Variants in ANKFN1 observed in about 807,000 individuals in gnomAD.
ANKFN1 encodes ankyrin repeat and fibronectin type III domain containing 1.
ANKFN1 carries 74 observed loss-of-function variants against 108.7 expected under a neutral mutation model. The observed-to-expected ratio is 0.68, with a 90% confidence interval of 0.56 to 0.83. ANKFN1 has a LOEUF of 0.83. ANKFN1 is among the 40% of genes least tolerant of loss of function. ANKFN1 has a pLI of 0.00. For synonymous variants in ANKFN1, 547 were observed against 516.2 expected, an observed-to-expected ratio of 1.06 and a Z score of -0.81; for missense variants, 1,505 against 1,382.3, an observed-to-expected ratio of 1.09 and a Z score of -1.41.
At position 56,516,258 on chromosome 17, in the gene ANKFN1, G is replaced by T. The variant is rs1348099743; in HGVS notation, c.*4989G>T. 1.2e-5 allele frequency among the ~76,000 whole-genome samples: 1 copy of T among 84,678 alleles called. No individual in the cohort carries two copies. Among genetic ancestry groups the T allele is most frequent in the East Asian group, 3.1e-4 (1 of 3,204 alleles). 55.6% of individuals were successfully genotyped at this position (84,678 alleles called of 152,430 possible). On this transcript the variant is annotated 3_prime_UTR_variant, in exon 21 of 21. Coordinates refer to ENST00000682825, the MANE Select transcript of ANKFN1 (RefSeq NM_001370326.1). ...TTTGATGTTTGTGATTTTTAAAAAA[G>T]TGTGTGTGTGTGTGTGTGTGTGTGC...
intron 4 of ANKFN1, among the ~76,000 whole-genome samples, chr17:56,101,900 T>C (rs1905654957): frequency 6.6e-6 from 1 of 152,198 alleles, no homozygotes. Flanking sequence ...GGCTATAAGA[T>C]CTGTGTTTCA....
At chr17:56,492,703 A>G (rs2051079932) in intron 19 of ANKFN1, among the ~76,000 whole-genome samples, 1 of 152,186 alleles carries the variant, frequency 6.6e-6, no homozygotes, top group South Asian at 2.1e-4. Context: ...GAAAAATTGT[A>G]TTAATTAATT....
intron 4 of ANKFN1, among the ~76,000 whole-genome samples, chr17:56,088,630 CCTCTGGGGCATGACT>C (rs1362695567): frequency 1.3e-5 from 2 of 151,088 alleles, no homozygotes; most frequent in Non-Finnish European, 3.0e-5. Flanking sequence ...TCCCCAGCTA[CCTCTGGGGCATGACT>C]CCCTCCACCT....
rs190655472 is a variant in ANKFN1, at chr17:56,077,996, G to C, written c.288+31671G>C. ...TAGATTGTATTCTAGTCATTGTGTT[G>C]GTATGCCGTGGAGATTCTAGATTCT... On this transcript the variant is annotated intron_variant, in intron 4 of 12. Transcript: ENST00000635860. 1.6e-4 allele frequency among the ~76,000 whole-genome samples: 25 copies of C among 152,110 alleles called. 1 individual carries two copies. The highest frequency in any genetic ancestry group is 1.2e-3 in the Admixed American group (19 of 15,286).
intron 1 of ANKFN1, among the ~76,000 whole-genome samples, chr17:56,162,235 CATA>C (rs1166062963): frequency 6.6e-6 from 1 of 152,164 alleles, no homozygotes; most frequent in East Asian, 1.9e-4. Flanking sequence ...AATATCTATA[CATA>C]ATAAGTATGC....
At chr17:56,425,280 T>C (rs2048526869) in intron 8 of ANKFN1, among the ~76,000 whole-genome samples, 3 of 152,166 alleles carry the variant, frequency 2.0e-5, no homozygotes, top group Admixed American at 1.3e-4. Flanking sequence ...TAACAGGAAG[T>C]CAGGAAATTT....
chr17:56,326,188 A>G lies in ANKFN1; in HGVS notation c.54-33A>G, dbSNP rs1025527727. 6 of 1,594,982 alleles carry G rather than the reference A, an allele frequency of 3.8e-6. No individual in the cohort carries two copies. In the African/African-American group the frequency reaches 5.4e-5, roughly 14 times the overall value. ...ATCATGGACTTCGGCTCTTGCCTGTAGTGATCCTGTTCGCATTTTATTCTT... is the reference window on the plus strand; with the variant it reads ...ATCATGGACTTCGGCTCTTGCCTGTGGTGATCCTGTTCGCATTTTATTCTT... On this transcript the variant is annotated intron_variant, in intron 3 of 20. Transcript: ENST00000682825.
chr17:56,077,008 A>G (rs947718699), intron 4 of ANKFN1, among the ~76,000 whole-genome samples: 1 of 152,140 alleles, frequency 6.6e-6, no homozygotes, highest in Non-Finnish European at 1.5e-5. Context: ...TATGGTATCT[A>G]TTTTTCAATA....
At chr17:56,298,679 TTA>T (rs761409160) in intron 3 of ANKFN1, among the ~76,000 whole-genome samples, 28 of 148,728 alleles carry the variant, frequency 1.9e-4, no homozygotes, top group East Asian at 8.0e-4. Context: ...CAATATTTCT[TTA>T]TATATATAGA....
At chr17:56,149,291 A>G (rs2143431015), upstream of ANKFN1, among the ~76,000 whole-genome samples, 1 of 152,280 alleles carries the variant, frequency 6.6e-6, no homozygotes, top group South Asian at 2.1e-4. Flanking sequence ...GAATAGTAAT[A>G]GGAATTTGAA....
chr17:56,227,445 AATAAGT>A (rs1195518769), intron 2 of ANKFN1, among the ~76,000 whole-genome samples: 14 of 152,158 alleles, frequency 9.2e-5, no homozygotes, highest in Non-Finnish European at 1.9e-4. Context: ...CATTTATCCT[AATAAGT>A]ATGAGTTGAG....
intron 11 of ANKFN1, among the ~76,000 whole-genome samples, chr17:56,453,608 T>A (rs1488917887): frequency 6.6e-6 from 1 of 152,198 alleles, no homozygotes; most frequent in Admixed American, 6.5e-5. Context: ...TATTGAGGAC[T>A]CTTCTTATCG....
Position 56,313,058 on chromosome 17 carries a change from GGT to G in ANKFN1, c.54-13161_54-13160del, listed in dbSNP as rs571474330. Among the ~76,000 whole-genome samples, 60 of 152,062 alleles carry G rather than the reference GGT, an allele frequency of 3.9e-4. No individual in the cohort carries two copies. The South Asian group carries it at 0.012, about 32-fold the overall frequency. On this transcript the variant is annotated intron_variant, in intron 3 of 20. Coordinates refer to ENST00000682825, the MANE Select transcript of ANKFN1 (RefSeq NM_001370326.1). ...TAATCCCAGCTATTCAGGAGGCTGA[GGT>G]GGAGAATTGCTTGAAGCGGGGAGGC...
At chr17:56,341,671 G>A (rs1472770399) in intron 4 of ANKFN1, among the ~76,000 whole-genome samples, 1 of 151,944 alleles carries the variant, frequency 6.6e-6, no homozygotes, top group African/African-American at 2.4e-5. Flanking sequence ...TCATCATGGT[G>A]GATATACTTT....
chr17:56,459,330 C>T (rs1213840004), intron 14 of ANKFN1, among the ~76,000 whole-genome samples: 18 of 152,182 alleles, frequency 1.2e-4, no homozygotes, highest in African/African-American at 3.4e-4. Flanking sequence ...AGGCTGGTCT[C>T]GAACTCCTGA....
At chr17:56,109,000 T>C (rs559649571) in intron 4 of ANKFN1, among the ~76,000 whole-genome samples, 1 of 152,194 alleles carries the variant, frequency 6.6e-6, no homozygotes, top group Non-Finnish European at 1.5e-5. Context: ...TAATCATTAA[T>C]AGAGTGGTTA....
intron 8 of ANKFN1, among the ~76,000 whole-genome samples, chr17:56,422,386 A>G (rs1316951707): frequency 3.3e-5 from 5 of 151,394 alleles, no homozygotes; most frequent in Non-Finnish European, 4.4e-5. Flanking sequence ...TCATTTCTTC[A>G]TTCTCCAGTC....
chr17:56,288,880 G>A (rs1346764993), intron 3 of ANKFN1, among the ~76,000 whole-genome samples: 2 of 152,060 alleles, frequency 1.3e-5, no homozygotes, highest in African/African-American at 2.4e-5. Context: ...CCAGCTATAC[G>A]TGCTCCTGGG....
At chr17:56,272,980 C>A (rs867386236) in intron 3 of ANKFN1, among the ~76,000 whole-genome samples, 4 of 152,176 alleles carry the variant, frequency 2.6e-5, no homozygotes, top group Non-Finnish European at 2.9e-5. Flanking sequence ...GCCCCTGATT[C>A]AACAGCCCAA....
Sources: allele counts gnomAD v4.1 joint callset (sites outside exome capture counted in the v4.1 genomes callset), GRCh38; gene constraint gnomAD v4.1.1; transcripts MANE v1.5; gene names NCBI Gene and HGNC (gene_info 2026-07-23, HGNC 2026-07-21).